COL2A1: variants seen among roughly 807,000 people sequenced by gnomAD.
COL2A1 encodes the protein collagen alpha-1(II) chain.
In COL2A1, 28 loss-of-function variants were observed where a neutral mutation model predicts 204.5. The observed-to-expected ratio is 0.14, with a 90% CI of 0.10 to 0.19. The LOEUF is 0.19. COL2A1 is among the 10% of genes least tolerant of loss of function. The pLI, the probability that COL2A1 is intolerant of heterozygous loss-of-function variation, is 1.00. For missense variants in COL2A1, 1,388 were observed against 2,027.5 expected, an observed-to-expected ratio of 0.68 and a Z score of 6.06; for synonymous variants, 708 against 718.7, an observed-to-expected ratio of 0.99 and a Z score of 0.24.
At position 47,974,200 on chromosome 12, in the gene COL2A1, T is replaced by C. The variant is rs2136505390; in HGVS notation, c.4206A>G (p.Glu1402=). 6.2e-7 allele frequency: 1 copy of C among 1,614,250 alleles called. No homozygotes were observed. The highest frequency in any genetic ancestry group is 1.7e-5 in the Admixed American group (1 of 60,028). The part of the protein sequence containing the change: ...HCKNSIAYLD[E]AAGNLKKALL... ...GGGCCTTCTTGAGGTTGCCAGCTGC[T>C]TCGTCCAGATAGGCAATGCTGTTCT... is the stretch of plus-strand genomic sequence containing the variant. Residue 1402 remains glutamate (E), a synonymous_variant, in exon 53 of 54, where the codon GAA becomes GAG. Coordinates refer to ENST00000380518, the MANE Select transcript of COL2A1 (RefSeq NM_001844.5).
Position 47,978,637 on chromosome 12 carries a change from G to C in COL2A1, c.2855C>G (p.Pro952Arg), listed in dbSNP as rs1260980345. 6.2e-7 allele frequency: 1 copy of C among 1,613,420 alleles called. No homozygotes were observed. The highest frequency in any genetic ancestry group is 1.3e-5 in the African/African-American group (1 of 74,906). ...GEPGLQGPAG[P>R]PGEKGEPGDD... ...TCCAGGCTCTCCCTTCTCGCCAGGG[G>C]GTCCAGCAGGACCTTGGAGGCCGGG... The change falls in exon 42 of 54, where the codon CCC (proline) becomes CGC (arginine). Residue 952 changes from proline (P) to arginine (R), a missense_variant. By Grantham distance (103) the Pro-to-Arg change is moderately radical. Coordinates refer to ENST00000380518, the MANE Select transcript of COL2A1 (RefSeq NM_001844.5). This position sits in a 1 kb window ranked among gnomAD's most constrained non-coding sequence, Gnocchi z 5.5.
intron 27 of COL2A1, 73 bp downstream of exon 27, chr12:47,984,922 G>A: frequency 7.7e-7 from 1 of 1,292,506 alleles, no homozygotes; most frequent in South Asian, 1.3e-5. Context: ...TCAGGACCCA[G>A]CCCTTTCCCC....
chr12:47,989,187 T>C (rs1939581545), intron 18 of COL2A1, 41 bp downstream of exon 18: 1 of 1,565,270 alleles, frequency 6.4e-7, no homozygotes, highest in African/African-American at 1.3e-5. Context: ...GGACAGCTTC[T>C]CGGCACCCAG....
At chr12:47,977,576 C>T (rs769023701) in intron 45 of COL2A1, 24 bp downstream of exon 45, 2 of 1,613,856 alleles carry the variant, frequency 1.2e-6, no homozygotes, top group African/African-American at 2.7e-5. Flanking sequence ...CAACCCACTG[C>T]ACACACAGAC....
intron 2 of COL2A1, chr12:47,999,553 G>A (rs1940130428): frequency 3.8e-6 from 1 of 262,234 alleles, no homozygotes; most frequent in South Asian, 4.6e-5. Context: ...GGCAGAGGAG[G>A]AATTAATTCG....
intron 44 of COL2A1, 75 bp from the exon 45 acceptor site, chr12:47,977,728 C>T (rs1283351196): frequency 6.7e-7 from 1 of 1,498,378 alleles, no homozygotes; most frequent in Non-Finnish European, 9.2e-7. Flanking sequence ...CAGCCCCTCT[C>T]AGAAGCCCAG....
intron 7 of COL2A1, 119 bp from the exon 8 acceptor site, chr12:47,996,744 C>G: frequency 1.2e-6 from 1 of 854,660 alleles, no homozygotes; most frequent in South Asian, 1.3e-5. Context: ...TTGTTGGAGA[C>G]TAACCTATCA....
chr12:47,992,792 G>A lies in COL2A1; in HGVS notation c.1023+86C>T, dbSNP rs1036486322. 3.6e-6 allele frequency: 5 copies of A among 1,390,502 alleles called. No individual in the cohort carries two copies. In the Admixed American group the frequency reaches 6.8e-5, roughly 19 times the overall value. 86.1% of individuals were successfully genotyped at this position (1,390,502 alleles called of 1,614,324 possible). A position where few individuals can be genotyped will look rare whatever the true frequency, so the allele number is the denominator to read the frequency against. On this transcript the variant is annotated intron_variant, in intron 16 of 53. Transcript: ENST00000380518. The stretch of plus-strand genomic sequence containing the variant: ...ATAACAATACTCCCTATGCCTCACA[G>A]GGTTGTTTCGAGGGTCAAGAGAAAC...
At chr12:47,982,373 T>C in intron 34 of COL2A1, 129 bp downstream of exon 34, 3 of 863,756 alleles carry the variant, frequency 3.5e-6, no homozygotes, top group Admixed American at 2.0e-5. Context: ...AAAGGAGTCT[T>C]TAAGCTCCTC....
At position 47,983,859 on chromosome 12, in the gene COL2A1, C is replaced by T. The variant is rs551556975; in HGVS notation, c.1942-123G>A. On this transcript the variant is annotated intron_variant, in intron 29 of 53. Transcript: ENST00000380518. ...CAGGCGTCTTCCTGCACCACTCAGA[C>T]AGTGCATGCATGCCTCCCTGCACTC... is the stretch of plus-strand genomic sequence containing the variant. 11 of 1,057,510 alleles carry T rather than the reference C, an allele frequency of 1.0e-5. No homozygotes were observed. In the African/African-American group the frequency reaches 1.7e-4, roughly 17 times the overall value. The allele number at this position is 1,057,510 out of a possible 1,614,324, so 65.5% of individuals were successfully genotyped here.
At chr12:48,000,533 G>A (rs143637917) in intron 1 of COL2A1, among the ~76,000 whole-genome samples, 1 of 152,240 alleles carries the variant, frequency 6.6e-6, no homozygotes, top group East Asian at 1.9e-4. Context: ...AAAGAAAGGA[G>A]ACAGAAAAAT....
intron 22 of COL2A1, 150 bp from the exon 23 acceptor site, chr12:47,986,593 C>G (rs750585689): frequency 1.4e-5 from 10 of 714,488 alleles, no homozygotes; most frequent in Non-Finnish European, 2.2e-5. Flanking sequence ...CGAGCCATGG[C>G]AGGGCAGAGG....
intron 37 of COL2A1, 56 bp from the exon 38 acceptor site, chr12:47,981,024 G>A (rs1939044734): frequency 6.6e-7 from 1 of 1,515,792 alleles, no homozygotes; most frequent in African/African-American, 1.4e-5. Flanking sequence ...ACCTGCTTCT[G>A]CTCCCCTCCA....
At chr12:47,984,284 T>C in intron 28 of COL2A1, 144 bp from the exon 29 acceptor site, 7 of 809,462 alleles carry the variant, frequency 8.6e-6, no homozygotes, top group Non-Finnish European at 1.0e-5. Flanking sequence ...CACCTTCCCC[T>C]CCCTTCCTTC....
chr12:47,977,766 A>C, intron 44 of COL2A1, 113 bp from the exon 45 acceptor site: 1 of 1,263,278 alleles, frequency 7.9e-7, no homozygotes, highest in South Asian at 1.3e-5. Context: ...CAACTCACTC[A>C]CACTTTGAAG....
chr12:47,978,573 G>A lies in COL2A1; in HGVS notation c.2895+24C>T. On this transcript the variant is annotated intron_variant, in intron 42 of 53. Transcript: ENST00000380518. The surrounding 1 kb of genome is among the most constrained non-coding windows in gnomAD (Gnocchi z 5.5). ...CACGACCCTGCTCCCAGGGACCTTG[G>A]CATGGGCCTGGTGAGGGACTTACAG... 2 of 1,613,334 alleles carry A rather than the reference G, an allele frequency of 1.2e-6. No homozygotes were observed. The highest frequency in any genetic ancestry group is 1.7e-6 in the Non-Finnish European group (2 of 1,179,830).
rs755868094 is a variant in COL2A1, at chr12:47,993,460, T to C, written c.967A>G (p.Met323Val). ...TCCTGGAGGGTGTCCATACTTACCA[T>C]TGGGCCCGGAGATCCGTTCTCACCC... Reference protein sequence around the residue: ...SPGENGSPGPMGPRGLPGERG... With the variant: ...SPGENGSPGPVGPRGLPGERG... The change falls in exon 15 of 54, where the codon ATG (methionine) becomes GTG (valine). Residue 323 changes from methionine to valine, a missense_variant and splice_region_variant. Physicochemically the swap from Met to Val is conservative, Grantham distance 21. Transcript: ENST00000380518. 6.8e-6 allele frequency: 11 copies of C among 1,612,560 alleles called. No individual in the cohort carries two copies. The highest frequency in any genetic ancestry group is 1.1e-5 in the South Asian group (1 of 91,046).
intron 26 of COL2A1, 73 bp downstream of exon 26, chr12:47,985,461 C>A: frequency 6.6e-7 from 1 of 1,508,474 alleles, no homozygotes; most frequent in East Asian, 2.3e-5. Context: ...AACCCAAACT[C>A]CATCTCTCTT....
At chr12:48,002,817 C>G (rs1348800943) in intron 1 of COL2A1, 1 of 152,310 alleles carries the variant, frequency 6.6e-6, no homozygotes, top group Non-Finnish European at 1.5e-5. Context: ...TAGCGCACTA[C>G]CGGGTGACCC....
Sources: gnomAD v4.1 joint callset for allele counts (sites outside exome capture counted in the v4.1 genomes callset) on GRCh38, gnomAD v4.1.1 for gene constraint, Gnocchi (gnomAD v3.1) non-coding constraint, MANE v1.5 for transcripts, NCBI Gene and HGNC (gene_info 2026-07-23, HGNC 2026-07-21) for gene names.